The following SGCZ variants were observed in gnomAD, a reference collection of about 807,000 sequenced individuals.
SGCZ encodes zeta-sarcoglycan.
Under a neutral mutation model 41.3 loss-of-function variants are expected in SGCZ, and 40 were observed. The ratio of observed to expected loss-of-function variants is 0.97; its 90% CI spans 0.75 to 1.26. The LOEUF is 1.26. SGCZ is among the 50% of genes most tolerant of loss of function. The pLI, the probability that SGCZ is intolerant of heterozygous loss-of-function variation, is 0.00. For synonymous variants in SGCZ, 206 were observed against 137.5 expected, an observed-to-expected ratio of 1.50 and a Z score of -3.49; for missense variants, 552 against 369.8, an observed-to-expected ratio of 1.49 and a Z score of -4.04.
chr8:14,098,658 A>G (rs1430783062), intron 7 of SGCZ, among the ~76,000 whole-genome samples: 2 of 152,178 alleles, frequency 1.3e-5, no homozygotes, highest in African/African-American at 2.4e-5. Flanking sequence ...GTTCACCTTG[A>G]AGAAATATTA....
chr8:14,406,501 G>A (rs1225021141), intron 2 of SGCZ, among the ~76,000 whole-genome samples: 2 of 152,016 alleles, frequency 1.3e-5, no homozygotes, highest in Non-Finnish European at 2.9e-5. Context: ...GGAATATAGT[G>A]GGCACTGAAA....
chr8:15,184,851 A>G (rs1322824711), intron 1 of SGCZ, among the ~76,000 whole-genome samples: 1 of 152,110 alleles, frequency 6.6e-6, no homozygotes. Context: ...GCCTCAACAA[A>G]CATTCATCAC....
rs577680461 is a variant in SGCZ, at chr8:15,058,825, A to C, written c.39+178760T>G. 1.1e-3 allele frequency among the ~76,000 whole-genome samples: 170 copies of C among 152,306 alleles called. 1 individual carries two copies. Among genetic ancestry groups the C allele is most frequent in the African/African-American group, 4.1e-3 (169 of 41,570 alleles). ...GTTACATTTTATTTTTACAACTGCAATTGGAAAATATTTGAACTATCCTTA... is the reference window on the plus strand; with the variant it reads ...GTTACATTTTATTTTTACAACTGCACTTGGAAAATATTTGAACTATCCTTA... On this transcript the variant is annotated intron_variant, in intron 1 of 7. Coordinates refer to ENST00000382080, the MANE Select transcript of SGCZ (RefSeq NM_139167.4).
At chr8:14,288,370 T>C (rs901464872) in intron 3 of SGCZ, among the ~76,000 whole-genome samples, 1 of 152,110 alleles carries the variant, frequency 6.6e-6, no homozygotes, top group Non-Finnish European at 1.5e-5. Context: ...ATTATTACTA[T>C]CAAGTTCCGG....
intron 2 of SGCZ, among the ~76,000 whole-genome samples, chr8:14,429,836 G>T (rs1040628578): frequency 6.6e-6 from 1 of 151,808 alleles, no homozygotes; most frequent in African/African-American, 2.4e-5. Flanking sequence ...CAATCTTGCT[G>T]CATGTTACTG....
At chr8:14,548,075 C>G (rs1281688449) in intron 2 of SGCZ, among the ~76,000 whole-genome samples, 1 of 152,084 alleles carries the variant, frequency 6.6e-6, no homozygotes. Context: ...ATGTCAGGTA[C>G]TTCTGGAACA....
intron 4 of SGCZ, among the ~76,000 whole-genome samples, chr8:14,202,452 C>T (rs991808715): frequency 4.0e-5 from 6 of 151,654 alleles, no homozygotes; most frequent in African/African-American, 7.3e-5. Context: ...CCATAGATAA[C>T]GAATGTACCA....
chr8:14,632,862 A>G (rs1806705063), intron 1 of SGCZ, among the ~76,000 whole-genome samples: 1 of 152,086 alleles, frequency 6.6e-6, no homozygotes, highest in African/African-American at 2.4e-5. Flanking sequence ...GAATGGATAA[A>G]GGTAAATAAA....
chr8:14,373,460 T>C (rs1396287953), intron 2 of SGCZ, among the ~76,000 whole-genome samples: 1 of 152,154 alleles, frequency 6.6e-6, no homozygotes, highest in East Asian at 1.9e-4. Flanking sequence ...ATCCATGATA[T>C]TCAGAGAAGA....
At chr8:14,573,422 T>C (rs1369457789) in intron 1 of SGCZ, among the ~76,000 whole-genome samples, 3 of 151,856 alleles carry the variant, frequency 2.0e-5, no homozygotes, top group African/African-American at 7.2e-5. Flanking sequence ...TCTCCTGACC[T>C]CGTGATCCGC....
chr8:14,450,621 T>C (rs1800564226), intron 2 of SGCZ, among the ~76,000 whole-genome samples: 1 of 152,200 alleles, frequency 6.6e-6, no homozygotes, highest in Admixed American at 6.5e-5. Context: ...CAGACCAATT[T>C]TTTAAAAAAA....
At chr8:15,236,935 G>T (rs1411776601) in intron 1 of SGCZ, among the ~76,000 whole-genome samples, 1 of 152,178 alleles carries the variant, frequency 6.6e-6, no homozygotes, top group Non-Finnish European at 1.5e-5. Flanking sequence ...CCCCGGACCT[G>T]CTCCCGCGCC....
intron 3 of SGCZ, among the ~76,000 whole-genome samples, chr8:14,281,943 G>T (rs567709944): frequency 1.3e-5 from 2 of 151,686 alleles, no homozygotes; most frequent in South Asian, 2.1e-4. Flanking sequence ...ACTCCATTTT[G>T]CATTTAAACG....
At chr8:14,812,903 T>G (rs910901001) in intron 1 of SGCZ, among the ~76,000 whole-genome samples, 2 of 152,200 alleles carry the variant, frequency 1.3e-5, no homozygotes, top group African/African-American at 4.8e-5. Context: ...AACTCTTCCT[T>G]TGAGGATATT....
chr8:14,250,432 T>C (rs1799245419), intron 3 of SGCZ, among the ~76,000 whole-genome samples: 1 of 152,148 alleles, frequency 6.6e-6, no homozygotes, highest in Non-Finnish European at 1.5e-5. Context: ...TAATCTTTTT[T>C]ATACACAGGC....
At chr8:14,653,803 T>A (rs1216366766) in intron 1 of SGCZ, among the ~76,000 whole-genome samples, 2 of 151,274 alleles carry the variant, frequency 1.3e-5, no homozygotes, top group Non-Finnish European at 3.0e-5. Flanking sequence ...GAAAATCCAT[T>A]CATATTAAAA....
intron 2 of SGCZ, among the ~76,000 whole-genome samples, chr8:14,413,376 C>T (rs994889997): frequency 6.6e-6 from 1 of 151,900 alleles, no homozygotes; most frequent in African/African-American, 2.4e-5. Context: ...ATGTAGTTCT[C>T]TGCCCAATAA....
At chr8:14,500,610 C>T (rs937805541) in intron 2 of SGCZ, among the ~76,000 whole-genome samples, 8 of 151,864 alleles carry the variant, frequency 5.3e-5, no homozygotes, top group South Asian at 2.1e-4. Context: ...TTACTCACTA[C>T]GAAAGATAGG....
intron 2 of SGCZ, among the ~76,000 whole-genome samples, chr8:14,376,205 G>A (rs1171171062): frequency 6.6e-6 from 1 of 152,160 alleles, no homozygotes; most frequent in Non-Finnish European, 1.5e-5. Flanking sequence ...CAGCTACACA[G>A]GAGGCTGAGG....
Sources: gnomAD v4.1 joint callset for allele counts (sites outside exome capture counted in the v4.1 genomes callset) on GRCh38, gnomAD v4.1.1 for gene constraint, MANE v1.5 for transcripts, NCBI Gene and HGNC (gene_info 2026-07-23, HGNC 2026-07-21) for gene names.